The following PID1 variants were observed in gnomAD, a reference collection of about 807,000 sequenced individuals.
The protein encoded by PID1 is phosphotyrosine interaction domain containing 1.
PID1 carries 10 observed loss-of-function variants against 19.1 expected under a neutral mutation model. That is an observed-to-expected ratio of 0.52 (90% CI 0.32 to 0.89). The LOEUF (loss-of-function observed/expected upper bound fraction) is 0.89, where lower values mean the gene tolerates loss of function less well. Among genes scored for constraint, PID1 ranks in the 40% least tolerant of loss-of-function variants. PID1 has a pLI of 0.03. For missense variants in PID1, 248 were observed against 285.3 expected, an observed-to-expected ratio of 0.87 and a Z score of 0.94; for synonymous variants, 130 against 116.0, an observed-to-expected ratio of 1.12 and a Z score of -0.78.
At chr2:229,256,837 G>A (rs140712791) in intron 1 of PID1, among the ~76,000 whole-genome samples, 71 of 152,208 alleles carry the variant, frequency 4.7e-4, no homozygotes, top group African/African-American at 1.4e-3. Context: ...TAACATTCAC[G>A]GCAACCAGGA....
chr2:229,051,972 G>A (rs990264647), intron 2 of PID1, among the ~76,000 whole-genome samples: 1 of 152,168 alleles, frequency 6.6e-6, no homozygotes, highest in Non-Finnish European at 1.5e-5. Flanking sequence ...AGGTCAGGAT[G>A]TCCTTTGGTC....
At chr2:229,270,097 A>G (rs938419675) in intron 1 of PID1, among the ~76,000 whole-genome samples, 5 of 152,212 alleles carry the variant, frequency 3.3e-5, no homozygotes, top group Non-Finnish European at 7.3e-5. Context: ...TCAGCCTCCA[A>G]TGGTGCTGTA....
chr2:229,251,999 CAAAG>C (rs1178935476), intron 1 of PID1, among the ~76,000 whole-genome samples: 2 of 108,598 alleles, frequency 1.8e-5, no homozygotes, highest in African/African-American at 7.0e-5. Context: ...AAAAAACACA[CAAAG>C]AATGCAATGG....
At chr2:229,223,421 C>T (rs959593431) in intron 1 of PID1, among the ~76,000 whole-genome samples, 15 of 152,102 alleles carry the variant, frequency 9.9e-5, no homozygotes, top group Admixed American at 8.5e-4. Context: ...TTGGTTAAAA[C>T]CTTTGTTACA....
At chr2:229,036,780 C>G (rs188990509) in intron 2 of PID1, among the ~76,000 whole-genome samples, 5 of 152,064 alleles carry the variant, frequency 3.3e-5, no homozygotes, top group Non-Finnish European at 7.4e-5. Flanking sequence ...CAAAAAAACC[C>G]GAAAATGGAT....
rs1695595052 is a variant in PID1 at position 229,125,063 on chromosome 2, T to G, written c.177+30755A>C. Among the ~76,000 whole-genome samples the G allele has an allele frequency of 2.0e-5, 3 of 152,198 alleles. No homozygotes were observed. In the South Asian group the frequency reaches 6.2e-4, roughly 32 times the overall value. ...CAATATCGAGGTCCTATTCCAGGTA[T>G]CAGGATGATCAGACTTTACTCTTTC... On this transcript the variant is annotated intron_variant, in intron 2 of 2. Coordinates refer to ENST00000392055, the MANE Select transcript of PID1 (RefSeq NM_001100818.2).
At chr2:229,226,014 C>G (rs917458471) in intron 1 of PID1, among the ~76,000 whole-genome samples, 4 of 152,054 alleles carry the variant, frequency 2.6e-5, no homozygotes, top group Admixed American at 2.6e-4. Context: ...ATAAGAATGT[C>G]CCATTTATGC....
intron 2 of PID1, among the ~76,000 whole-genome samples, chr2:229,065,710 T>TAAAAAAAAAAAAAA (rs1238489523): frequency 2.3e-4 from 1 of 4,344 alleles, no homozygotes; most frequent in African/African-American, 7.9e-4. Context: ...TTTTGTGATT[T>TAAAAAAAAAAAAAA]ACAAAAAAAA....
intron 2 of PID1, among the ~76,000 whole-genome samples, chr2:229,120,090 G>A (rs1559242239): frequency 6.6e-6 from 1 of 152,068 alleles, no homozygotes; most frequent in African/African-American, 2.4e-5. Context: ...AATCATGTGA[G>A]CCAACATCTT....
At chr2:229,035,652 C>T (rs141836827) in intron 2 of PID1, among the ~76,000 whole-genome samples, 182 of 152,206 alleles carry the variant, frequency 1.2e-3, no homozygotes, top group Middle Eastern at 6.8e-3. Context: ...AGATGTAGAA[C>T]CCAAGTCCTC....
At chr2:229,203,501 C>T (rs1004472590) in intron 1 of PID1, among the ~76,000 whole-genome samples, 2 of 122,354 alleles carry the variant, frequency 1.6e-5, no homozygotes, top group Non-Finnish European at 3.5e-5. Context: ...CACTTAAAGT[C>T]ACAGTTTCCA....
chr2:229,151,132 A>C (rs1352119708), intron 2 of PID1, among the ~76,000 whole-genome samples: 1 of 152,052 alleles, frequency 6.6e-6, no homozygotes, highest in Non-Finnish European at 1.5e-5. Context: ...AATTTTGTAT[A>C]GTCCATGAGA....
chr2:229,116,340 T>C (rs137879277), intron 2 of PID1, among the ~76,000 whole-genome samples: 5 of 152,354 alleles, frequency 3.3e-5, no homozygotes, highest in Admixed American at 1.3e-4. Context: ...TAGTGTTTCA[T>C]CCAGCTTGAG....
chr2:229,187,414 T>C (rs976408199), intron 1 of PID1, among the ~76,000 whole-genome samples: 1 of 152,146 alleles, frequency 6.6e-6, no homozygotes, highest in African/African-American at 2.4e-5. Context: ...TGGGGAGGTC[T>C]CATAATCATG....
chr2:229,259,172 A>T (rs1420879824), intron 1 of PID1, among the ~76,000 whole-genome samples: 1 of 151,720 alleles, frequency 6.6e-6, no homozygotes, highest in Non-Finnish European at 1.5e-5. Context: ...CCAGGTATAG[A>T]CCTTCTTAGT....
intron 2 of PID1, among the ~76,000 whole-genome samples, chr2:229,080,212 C>T (rs891299951): frequency 3.3e-5 from 5 of 152,198 alleles, no homozygotes; most frequent in African/African-American, 1.2e-4. Context: ...CAGGTTCCTT[C>T]CTTAAAACTC....
intron 1 of PID1, among the ~76,000 whole-genome samples, chr2:229,199,517 A>G (rs1691446968): frequency 6.6e-6 from 1 of 151,932 alleles, no homozygotes; most frequent in Non-Finnish European, 1.5e-5. Context: ...TGTGGTGGCT[A>G]CAGCAAAAGA....
intron 1 of PID1, among the ~76,000 whole-genome samples, chr2:229,243,580 T>C (rs1689929253): frequency 6.6e-6 from 1 of 152,104 alleles, no homozygotes; most frequent in Non-Finnish European, 1.5e-5. Context: ...ATTTGTTGAA[T>C]TAATAAATGA....
At chr2:229,119,682 T>C (rs1695479026) in intron 2 of PID1, among the ~76,000 whole-genome samples, 1 of 152,196 alleles carries the variant, frequency 6.6e-6, no homozygotes, top group Admixed American at 6.5e-5. Context: ...TGGTTAATTT[T>C]ATGTGTCAAG....
Sources: gnomAD v4.1 joint callset for allele counts (sites outside exome capture counted in the v4.1 genomes callset) on GRCh38, gnomAD v4.1.1 for gene constraint, MANE v1.5 for transcripts, NCBI Gene and HGNC (gene_info 2026-07-23, HGNC 2026-07-21) for gene names.